SARNP: variants seen among roughly 807,000 people sequenced by gnomAD.
SARNP encodes SAP domain containing ribonucleoprotein.
A neutral mutation model predicts 38.1 loss-of-function variants in SARNP; 5 were observed. That is an observed-to-expected ratio of 0.13 (90% CI 0.07 to 0.28). The LOEUF is 0.28. Ranked by LOEUF, SARNP falls within the 10% of genes least tolerant of loss-of-function variation. The pLI is 1.00. For synonymous variants in SARNP, 84 were observed against 80.6 expected (o/e 1.04, Z -0.23); for missense variants, 180 against 243.9 (o/e 0.74, Z 1.75).
At chr12:55,773,065 T>A (rs1011314059) in intron 9 of SARNP, among the ~76,000 whole-genome samples, 1 of 152,122 alleles carries the variant, frequency 6.6e-6, no homozygotes, top group African/African-American at 2.4e-5. Context: ...AGCCAAAACA[T>A]ACAGAGAAGG....
At chr12:55,806,221 G>A (rs1880136275) in intron 1 of SARNP, among the ~76,000 whole-genome samples, 1 of 151,856 alleles carries the variant, frequency 6.6e-6, no homozygotes, top group South Asian at 2.1e-4. Flanking sequence ...TGTGAAATGG[G>A]AATGATAACA....
chr12:55,798,221 G>T (rs1038211963), intron 4 of SARNP, among the ~76,000 whole-genome samples: 2 of 152,216 alleles, frequency 1.3e-5, no homozygotes, highest in African/African-American at 4.8e-5. Context: ...ATAGGCAGGT[G>T]ATTACTGGCT....
At chr12:55,784,489 A>G (rs1274325712) in intron 9 of SARNP, among the ~76,000 whole-genome samples, 4 of 152,226 alleles carry the variant, frequency 2.6e-5, no homozygotes, top group Non-Finnish European at 5.9e-5. Context: ...CTAGAAAAAA[A>G]GAATCCTTAC....
At chr12:55,795,437 A>C (rs1034436757) in intron 5 of SARNP, among the ~76,000 whole-genome samples, 2 of 152,174 alleles carry the variant, frequency 1.3e-5, no homozygotes, top group African/African-American at 2.4e-5. Flanking sequence ...AAATAAAGTA[A>C]AACCTACATT....
At chr12:55,760,764 C>T (rs1878650487) in intron 9 of SARNP, 124 bp from the exon 10 acceptor site, 1 of 670,222 alleles carries the variant, frequency 1.5e-6, no homozygotes, top group South Asian at 1.8e-5. Flanking sequence ...CTAAGGATCA[C>T]ATAAAGAGAT....
intron 4 of SARNP, among the ~76,000 whole-genome samples, chr12:55,799,710 C>T (rs1206920457): frequency 8.6e-5 from 13 of 151,460 alleles, no homozygotes; most frequent in African/African-American, 2.7e-4. Context: ...CCCTCCACCA[C>T]GCCCAACTAA....
At chr12:55,803,571 A>T (rs572944508) in intron 2 of SARNP, 58 bp downstream of exon 2, 3 of 993,530 alleles carry the variant, frequency 3.0e-6, no homozygotes, top group Non-Finnish European at 4.5e-6. Flanking sequence ...AAATCTTTTC[A>T]GTGTCAAAGC....
intron 9 of SARNP, among the ~76,000 whole-genome samples, chr12:55,774,575 C>CAAAAAAAAAAAAAAAAAAAAAAAAA (rs1187594580): frequency 2.4e-5 from 1 of 41,216 alleles, no homozygotes; most frequent in African/African-American, 1.3e-4. Flanking sequence ...AAAAAAAAAA[C>CAAAAAAAAAAAAAAAAAAAAAAAAA]AAACAAAAAA....
downstream of SARNP, chr12:55,752,923 T>C (rs536624734): frequency 6.6e-6 from 1 of 152,248 alleles, no homozygotes; most frequent in East Asian, 1.9e-4. Flanking sequence ...CATTTACACC[T>C]TGGAGAACCG....
downstream of SARNP, chr12:55,754,710 T>G (rs766778417): frequency 6.6e-6 from 1 of 152,214 alleles, no homozygotes; most frequent in Non-Finnish European, 1.5e-5. Context: ...CTATGCAAAT[T>G]ATGGTAAGCA....
At chr12:55,794,547 G>C (rs1418281748) in intron 6 of SARNP, among the ~76,000 whole-genome samples, 160 bp from the exon 7 acceptor site, 1 of 152,166 alleles carries the variant, frequency 6.6e-6, no homozygotes, top group Non-Finnish European at 1.5e-5. Context: ...CAGAAATTAA[G>C]CTAAAAGGAA....
At chr12:55,794,321 A>C in intron 7 of SARNP, 38 bp downstream of exon 7, 1 of 1,559,282 alleles carries the variant, frequency 6.4e-7, no homozygotes, top group Non-Finnish European at 8.8e-7. Context: ...AGAAAGAATA[A>C]AAAGGTAACT....
At chr12:55,755,528 T>C (rs992070660), downstream of SARNP, 6 of 152,142 alleles carry the variant, frequency 3.9e-5, no homozygotes, top group Non-Finnish European at 5.9e-5. Context: ...GGATCAACTA[T>C]AGTAGGGAAA....
intron 8 of SARNP, 32 bp downstream of exon 8, chr12:55,790,534 TG>T: frequency 6.4e-7 from 1 of 1,554,226 alleles, no homozygotes. Context: ...AATTAAGATC[TG>T]GGTGTGTAAG....
At chr12:55,785,792 AAGAC>A (rs1313787899) in intron 9 of SARNP, among the ~76,000 whole-genome samples, 2 of 151,532 alleles carry the variant, frequency 1.3e-5, no homozygotes, top group Non-Finnish European at 2.9e-5. Flanking sequence ...AAAAAAAAAA[AAGAC>A]AGGGTCTCAC....
chr12:55,784,288 G>C (rs1879425140), intron 9 of SARNP, among the ~76,000 whole-genome samples: 1 of 152,172 alleles, frequency 6.6e-6, no homozygotes, highest in African/African-American at 2.4e-5. Flanking sequence ...CCAGGATGAA[G>C]TGGACAAAAG....
At chr12:55,753,428 T>C (rs1878391184), downstream of SARNP, 1 of 152,200 alleles carries the variant, frequency 6.6e-6, no homozygotes, top group Admixed American at 6.5e-5. Context: ...CCCAGGAATA[T>C]GAGTTGGGAA....
intron 9 of SARNP, among the ~76,000 whole-genome samples, chr12:55,776,288 G>A (rs939455907): frequency 5.3e-5 from 8 of 152,070 alleles, no homozygotes; most frequent in African/African-American, 1.9e-4. Context: ...ACTAAAATTA[G>A]CCGGGTGTGG....
intron 9 of SARNP, among the ~76,000 whole-genome samples, chr12:55,783,535 G>A (rs1317444864): frequency 6.6e-6 from 1 of 150,510 alleles, no homozygotes. Context: ...TGAACAAACA[G>A]ACTTTTCTTG....
Sources: allele counts gnomAD v4.1 joint callset (sites outside exome capture counted in the v4.1 genomes callset), GRCh38; gene constraint gnomAD v4.1.1; transcripts MANE v1.5; gene names NCBI Gene and HGNC (gene_info 2026-07-23, HGNC 2026-07-21).